Variants in GALNT14 observed in about 807,000 individuals in gnomAD.
GALNT14 encodes polypeptide N-acetylgalactosaminyltransferase 14.
GALNT14 carries 60 observed loss-of-function variants against 77.5 expected under a neutral mutation model. The ratio of observed to expected loss-of-function variants is 0.77; its 90% CI spans 0.63 to 0.96. The LOEUF (loss-of-function observed/expected upper bound fraction) is 0.96, where lower values mean the gene tolerates loss of function less well. GALNT14 is among the 40% of genes least tolerant of loss of function. GALNT14 has a pLI of 0.00. For synonymous variants in GALNT14, 280 were observed against 281.7 expected, an observed-to-expected ratio of 0.99 and a Z score of 0.06; for missense variants, 710 against 731.0, an observed-to-expected ratio of 0.97 and a Z score of 0.33.
chr2:30,972,169 C>T (rs1001741376), intron 2 of GALNT14, among the ~76,000 whole-genome samples: 1 of 152,140 alleles, frequency 6.6e-6, no homozygotes, highest in Non-Finnish European at 1.5e-5. Flanking sequence ...GAGAGGAGAG[C>T]GTAATTATTA....
At chr2:30,961,347 C>T (rs935879280) in intron 3 of GALNT14, among the ~76,000 whole-genome samples, 6 of 152,114 alleles carry the variant, frequency 3.9e-5, no homozygotes, top group African/African-American at 1.2e-4. Context: ...GACCCAAGGC[C>T]GGCTGACAGT....
intron 1 of GALNT14, among the ~76,000 whole-genome samples, chr2:31,011,697 T>C (rs57411770): frequency 0.061 from 9,243 of 152,056 alleles, 902 homozygotes; most frequent in African/African-American, 0.2. Context: ...TATGATACTC[T>C]CCCTTCTCCC....
At chr2:31,045,874 T>C (rs1673420226) in intron 1 of GALNT14, among the ~76,000 whole-genome samples, 1 of 152,182 alleles carries the variant, frequency 6.6e-6, no homozygotes, top group South Asian at 2.1e-4. Context: ...TCTGTGGTCA[T>C]CTCTGTCTGC....
At position 30,924,837 on chromosome 2, in the gene GALNT14, G is replaced by T. The variant is rs371444620; in HGVS notation, c.1152-14C>A. On this transcript the variant is annotated splice_polypyrimidine_tract_variant and intron_variant, in intron 11 of 14. Transcript: ENST00000349752. ...CTGCTCTCAACACTGGGGGCAACGG[G>T]GTTGTGGACAGACACAAAGACAAAA... 3 of 1,610,824 alleles carry T rather than the reference G, an allele frequency of 1.9e-6. No homozygotes were observed. The highest frequency in any genetic ancestry group is 1.7e-6 in the Non-Finnish European group (2 of 1,177,972).
chr2:31,057,585 A>G (rs1573262872), intron 1 of GALNT14, among the ~76,000 whole-genome samples: 1 of 151,968 alleles, frequency 6.6e-6, no homozygotes, highest in South Asian at 2.1e-4. Flanking sequence ...ACCCGGAGGA[A>G]CAATGATCAG....
chr2:31,083,610 C>A (rs1676264148), intron 1 of GALNT14, among the ~76,000 whole-genome samples: 1 of 152,150 alleles, frequency 6.6e-6, no homozygotes, highest in South Asian at 2.1e-4. Context: ...GTGAGTCTGG[C>A]ACAAGGCAAG....
At chr2:30,949,178 G>C (rs1162718988) in intron 6 of GALNT14, among the ~76,000 whole-genome samples, 1 of 152,118 alleles carries the variant, frequency 6.6e-6, no homozygotes, top group Non-Finnish European at 1.5e-5. Context: ...GAGTGCCCTG[G>C]GAGGTCAGTA....
At chr2:30,905,586 T>G (rs931777077), downstream of GALNT14, among the ~76,000 whole-genome samples, 5 of 152,012 alleles carry the variant, frequency 3.3e-5, no homozygotes, top group African/African-American at 1.2e-4. Flanking sequence ...TATGTCTGAT[T>G]GGTGTACCTG....
intron 13 of GALNT14, among the ~76,000 whole-genome samples, chr2:30,918,568 G>A (rs1293832162): frequency 6.6e-6 from 1 of 152,218 alleles, no homozygotes; most frequent in Non-Finnish European, 1.5e-5. Flanking sequence ...ACTGGAGGCA[G>A]GGATGGAGCC....
At chr2:30,985,395 A>T (rs1030830912) in intron 2 of GALNT14, among the ~76,000 whole-genome samples, 1 of 152,168 alleles carries the variant, frequency 6.6e-6, no homozygotes, top group Non-Finnish European at 1.5e-5. Context: ...CAAGGAAATC[A>T]GGAGATCAAG....
chr2:31,122,978 A>G (rs1400861192), intron 1 of GALNT14, among the ~76,000 whole-genome samples: 1 of 152,062 alleles, frequency 6.6e-6, no homozygotes. Context: ...TCAGGAGATC[A>G]AGACCATCCT....
rs267599341 is a variant in GALNT14, at chr2:30,958,407, G to A, written c.456C>T (p.Phe152=). The A allele has an allele frequency of 6.2e-7, 1 of 1,613,632 alleles. No individual in the cohort carries two copies. Among genetic ancestry groups the A allele is most frequent in the Non-Finnish European group, 8.5e-7 (1 of 1,179,568 alleles). ...LIREIILVDD[F]SNDPDDCKQL... The stretch of plus-strand genomic sequence containing the variant: ...AGCAACATGACTTACGGTCATTGCT[G>A]AAGTCATCCACTAATATGATTTCCC... Residue 152 remains phenylalanine, a synonymous_variant, in exon 4 of 15, where the codon TTC becomes TTT. Coordinates refer to ENST00000349752, the MANE Select transcript of GALNT14 (RefSeq NM_024572.4).
intron 1 of GALNT14, among the ~76,000 whole-genome samples, chr2:31,023,382 C>T (rs774255628): frequency 8.5e-5 from 13 of 152,174 alleles, no homozygotes; most frequent in Non-Finnish European, 1.5e-4. Context: ...GTAACTGTGC[C>T]TCTTTCCTTA....
intron 1 of GALNT14, among the ~76,000 whole-genome samples, chr2:31,103,211 G>A (rs1226610079): frequency 2.0e-5 from 3 of 152,060 alleles, no homozygotes; most frequent in Admixed American, 2.0e-4. Flanking sequence ...TGTTCTTCCA[G>A]TGTGATTCTT....
At chr2:30,908,090 C>A (rs1295915455), downstream of GALNT14, among the ~76,000 whole-genome samples, 1 of 129,078 alleles carries the variant, frequency 7.7e-6, no homozygotes, top group Non-Finnish European at 1.6e-5. Flanking sequence ...TATGACAAAC[C>A]CACAGCCAAT....
intron 1 of GALNT14, among the ~76,000 whole-genome samples, chr2:31,059,455 G>T (rs1308824300): frequency 6.6e-6 from 1 of 152,080 alleles, no homozygotes; most frequent in East Asian, 1.9e-4. Flanking sequence ...TTCATATATA[G>T]AAATCCTAAC....
intron 3 of GALNT14, among the ~76,000 whole-genome samples, chr2:30,965,022 A>G (rs115032137): frequency 0.034 from 5,203 of 152,218 alleles, 310 homozygotes; most frequent in African/African-American, 0.12. Context: ...TGTGCTGCTC[A>G]GCAGGACAGG....
intron 1 of GALNT14, among the ~76,000 whole-genome samples, chr2:31,042,599 G>C (rs1023583837): frequency 3.9e-5 from 6 of 152,108 alleles, no homozygotes; most frequent in Non-Finnish European, 8.8e-5. Context: ...CATCTCCATT[G>C]ATGGCAACTC....
At chr2:30,927,747 A>AGG (rs2148240989) in intron 11 of GALNT14, among the ~76,000 whole-genome samples, 1 of 152,290 alleles carries the variant, frequency 6.6e-6, no homozygotes, top group East Asian at 1.9e-4. Flanking sequence ...GGGGCTGGGA[A>AGG]GAGTGGAGGT....
Sources: allele counts gnomAD v4.1 joint callset (sites outside exome capture counted in the v4.1 genomes callset), GRCh38; gene constraint gnomAD v4.1.1; transcripts MANE v1.5; gene names NCBI Gene and HGNC (gene_info 2026-07-23, HGNC 2026-07-21).